The following PLEKHH2 variants were observed in gnomAD, a reference collection of about 807,000 sequenced individuals.
PLEKHH2 encodes the protein pleckstrin homology domain-containing family H member 2.
A neutral mutation model predicts 187.9 loss-of-function variants in PLEKHH2; 129 were observed. That is an observed-to-expected ratio of 0.69 (90% confidence interval 0.59 to 0.79). The LOEUF (loss-of-function observed/expected upper bound fraction) is 0.79. PLEKHH2 is among the 30% of genes least tolerant of loss of function. The pLI is 0.00. For synonymous variants in PLEKHH2, 686 were observed against 605.6 expected (o/e 1.13, Z -1.95); for missense variants, 2,076 against 1,751.2 (o/e 1.19, Z -3.31).
intron 23 of PLEKHH2, among the ~76,000 whole-genome samples, chr2:43,745,140 G>A (rs904343347): frequency 2.6e-5 from 4 of 151,670 alleles, no homozygotes; most frequent in African/African-American, 4.8e-5. Context: ...GTGGTGAAAC[G>A]CCATTTCTAC....
chr2:43,660,558 C>T (rs1238439351), intron 2 of PLEKHH2, among the ~76,000 whole-genome samples: 1 of 142,878 alleles, frequency 7.0e-6, no homozygotes, highest in Non-Finnish European at 1.5e-5. Flanking sequence ...CATGCTGGTG[C>T]GCTGCACCCA....
At position 43,729,576 on chromosome 2, in the gene PLEKHH2, G is replaced by GT. The variant is rs534845664; in HGVS notation, c.2722-52dup. 9,342 of 1,117,412 alleles carry GT rather than the reference G, an allele frequency of 8.4e-3. 3 individuals carry two copies. Among genetic ancestry groups the GT allele is most frequent in the South Asian group, 0.015 (758 of 51,728 alleles). 69.2% of individuals were successfully genotyped at this position (1,117,412 alleles called of 1,614,324 possible). A position where few individuals can be genotyped will look rare whatever the true frequency, so the allele number is the denominator to read the frequency against. ...AAGTTTTCTACTGTTTATGCAAGTT[G>GT]TTTTTTTTTCTTTAATCAAAACTGT... On this transcript the variant is annotated intron_variant, in intron 17 of 29. Coordinates refer to ENST00000282406, the MANE Select transcript of PLEKHH2 (RefSeq NM_172069.4).
At chr2:43,693,706 T>C (rs7603968) in intron 4 of PLEKHH2, among the ~76,000 whole-genome samples, 20,775 of 108,138 alleles carry the variant, frequency 0.19, 2,411 homozygotes, top group African/African-American at 0.4. Context: ...CCTGGGCGAC[T>C]GAGCGAGACT....
rs755756471 is a variant in PLEKHH2, at chr2:43,743,943, A to T, written c.3509A>T (p.Asp1170Val). 6.2e-7 allele frequency: 1 copy of T among 1,614,116 alleles called. No individual in the cohort carries two copies. The highest frequency in any genetic ancestry group is 8.5e-7 in the Non-Finnish European group (1 of 1,179,990). ...TCTGGATTTGCGTTGTTCACTGACG[A>T]TCCTTCTGGCAGAGATTTAGAGCAT... ...AQSGFALFTD[D>V]PSGRDLEHCL... Residue 1170 changes from aspartate (D) to valine (V), a missense_variant, in exon 23 of 30, where the codon GAT (aspartate) becomes GTT (valine). Coordinates refer to ENST00000282406, the MANE Select transcript of PLEKHH2 (RefSeq NM_172069.4).
chr2:43,660,283 T>C (rs1022794726), intron 2 of PLEKHH2, among the ~76,000 whole-genome samples: 4 of 152,178 alleles, frequency 2.6e-5, no homozygotes, highest in Admixed American at 1.3e-4. Flanking sequence ...CATTCACTAG[T>C]TGATGGTCAT....
intron 2 of PLEKHH2, among the ~76,000 whole-genome samples, chr2:43,650,144 C>CTTTTTTTTTTTTTTTT (rs70965311): frequency 2.1e-5 from 2 of 95,662 alleles, no homozygotes; most frequent in African/African-American, 4.2e-5. Context: ...TTTTTCTTTC[C>CTTTTTTTTTTTTTTTT]TTTTTTTTTT....
chr2:43,641,501 A>AT (rs34581594), intron 1 of PLEKHH2, among the ~76,000 whole-genome samples: 95,358 of 149,894 alleles, frequency 0.64, 30,993 homozygotes, highest in African/African-American at 0.75. Flanking sequence ...TTGTTTTGCA[A>AT]TTTTTTTTTT....
At chr2:43,723,730 G>A (rs953686283) in intron 16 of PLEKHH2, among the ~76,000 whole-genome samples, 2 of 152,080 alleles carry the variant, frequency 1.3e-5, no homozygotes, top group Admixed American at 6.5e-5. Flanking sequence ...TATCTGTTGG[G>A]GTGGCAGATT....
intron 3 of PLEKHH2, chr2:43,681,036 G>A (rs1463004989): frequency 7.8e-7 from 1 of 1,280,678 alleles, no homozygotes; most frequent in Non-Finnish European, 1.1e-6. Context: ...ATGCCAACTG[G>A]AATTCCTTCC....
intron 28 of PLEKHH2, among the ~76,000 whole-genome samples, chr2:43,763,344 T>C (rs1301374840): frequency 6.6e-6 from 1 of 152,186 alleles, no homozygotes; most frequent in African/African-American, 2.4e-5. Flanking sequence ...TGCTCAGTCT[T>C]GCAAGGTAAT....
chr2:43,753,030 G>C (rs1259769824), intron 24 of PLEKHH2, among the ~76,000 whole-genome samples: 2 of 152,148 alleles, frequency 1.3e-5, no homozygotes, highest in African/African-American at 2.4e-5. Context: ...GGGTAGTTTT[G>C]AGTTGAAACC....
chr2:43,745,660 A>T (rs1349011129), intron 23 of PLEKHH2, among the ~76,000 whole-genome samples: 1 of 152,200 alleles, frequency 6.6e-6, no homozygotes, highest in Non-Finnish European at 1.5e-5. Context: ...GTCCAAAGTT[A>T]ATGTGTGTCC....
At chr2:43,639,920 G>T (rs1703294965) in intron 1 of PLEKHH2, among the ~76,000 whole-genome samples, 1 of 152,108 alleles carries the variant, frequency 6.6e-6, no homozygotes, top group African/African-American at 2.4e-5. Flanking sequence ...GCCCTACAAA[G>T]TGCTGGGATT....
rs142308252 is a variant in PLEKHH2 at position 43,718,921 on chromosome 2, T to C, written c.2461-1748T>C. 5.3e-5 allele frequency among the ~76,000 whole-genome samples: 8 copies of C among 152,306 alleles called. No individual in the cohort carries two copies. The East Asian group carries it at 1.2e-3, about 22-fold the overall frequency. On this transcript the variant is annotated intron_variant, in intron 15 of 29. Transcript: ENST00000282406. ...TCCATCAAACCGTTAGGTGGTGGAG[T>C]TACTCATTTGCTTAAACCACAGCTT... is the stretch of plus-strand genomic sequence containing the variant.
At chr2:43,714,273 T>G (rs1266447792) in intron 15 of PLEKHH2, among the ~76,000 whole-genome samples, 2 of 152,238 alleles carry the variant, frequency 1.3e-5, no homozygotes, top group East Asian at 3.8e-4. Context: ...CTATAACATT[T>G]CTGCGATTCT....
intron 2 of PLEKHH2, chr2:43,675,944 C>G: frequency 6.2e-7 from 1 of 1,613,982 alleles, no homozygotes; most frequent in African/African-American, 1.3e-5. Context: ...TTTTCAAAGA[C>G]GTATTTGTAA....
At chr2:43,647,242 T>G (rs1666225558) in intron 2 of PLEKHH2, among the ~76,000 whole-genome samples, 1 of 152,240 alleles carries the variant, frequency 6.6e-6, no homozygotes, top group South Asian at 2.1e-4. Flanking sequence ...GTGCTTTAAA[T>G]ATATAAACTT....
chr2:43,696,199 G>A (rs564674570), intron 6 of PLEKHH2, among the ~76,000 whole-genome samples: 4 of 152,236 alleles, frequency 2.6e-5, no homozygotes, highest in South Asian at 2.1e-4. Context: ...TGGGCCAGGC[G>A]CAGTGGCTCA....
intron 8 of PLEKHH2, among the ~76,000 whole-genome samples, chr2:43,703,067 A>G (rs929878628): frequency 7.2e-5 from 11 of 152,042 alleles, no homozygotes; most frequent in African/African-American, 2.7e-4. Context: ...CATCTGATTC[A>G]CTCAGCCAGG....
Sources: allele counts gnomAD v4.1 joint callset (sites outside exome capture counted in the v4.1 genomes callset), GRCh38; gene constraint gnomAD v4.1.1; transcripts MANE v1.5; gene names NCBI Gene and HGNC (gene_info 2026-07-23, HGNC 2026-07-21).